The following TANC2 variants were observed in gnomAD, a reference collection of about 807,000 sequenced individuals.
TANC2 encodes the protein tetratricopeptide repeat, ankyrin repeat and coiled-coil containing 2, also known as protein TANC2.
In TANC2, 26 loss-of-function variants were observed where a neutral mutation model predicts 210.5. The ratio of observed to expected loss-of-function variants is 0.12; its 90% CI spans 0.09 to 0.17. The LOEUF (loss-of-function observed/expected upper bound fraction) is 0.17. Ranked by LOEUF, TANC2 falls within the 10% of genes least tolerant of loss-of-function variation. TANC2 has a pLI of 1.00. For synonymous variants in TANC2, 931 were observed against 967.1 expected (o/e 0.96, Z 0.69); for missense variants, 2,129 against 2,608.9 (o/e 0.82, Z 4.01).
intron 8 of TANC2, among the ~76,000 whole-genome samples, chr17:63,264,031 T>C (rs1567864258): frequency 6.6e-6 from 1 of 152,106 alleles, no homozygotes; most frequent in Non-Finnish European, 1.5e-5. Context: ...GTCTAGGCAG[T>C]TTGGTTAGGT....
intron 2 of TANC2, among the ~76,000 whole-genome samples, chr17:63,060,281 T>G (rs2035948356): frequency 6.6e-6 from 1 of 152,252 alleles, no homozygotes; most frequent in Admixed American, 6.5e-5. Context: ...TGTACATGTA[T>G]TGTCAGATCA....
intron 6 of TANC2, 45 bp downstream of exon 6, chr17:63,194,184 CTTAT>C: frequency 6.4e-7 from 1 of 1,569,516 alleles, no homozygotes; most frequent in Admixed American, 1.8e-5. Flanking sequence ...TGTGAATCAG[CTTAT>C]TATGCCAGAA....
chr17:63,342,767 C>A (rs2046280017), intron 12 of TANC2, among the ~76,000 whole-genome samples: 1 of 152,058 alleles, frequency 6.6e-6, no homozygotes, highest in Non-Finnish European at 1.5e-5. Context: ...CAGAGTGAGA[C>A]TCCGTCTCAA....
chr17:63,218,586 A>G (rs1311539458), intron 7 of TANC2, among the ~76,000 whole-genome samples: 1 of 152,102 alleles, frequency 6.6e-6, no homozygotes, highest in Admixed American at 6.6e-5. Flanking sequence ...GAAATCTACC[A>G]AAAATAACTA....
chr17:63,222,720 A>AACACACACAC (rs58881477), intron 7 of TANC2, among the ~76,000 whole-genome samples: 5 of 148,866 alleles, frequency 3.4e-5, no homozygotes, highest in African/African-American at 1.2e-4. Flanking sequence ...AAACTGATTA[A>AACACACACAC]ACACACACAC....
At chr17:63,381,638 T>C (rs2047612958) in intron 15 of TANC2, 1 of 152,186 alleles carries the variant, frequency 6.6e-6, no homozygotes, top group Non-Finnish European at 1.5e-5. Context: ...AAAGGTGATG[T>C]TTGTAAATAA....
chr17:62,980,113 C>A (rs1170727316), intron 1 of TANC2, among the ~76,000 whole-genome samples: 2 of 152,182 alleles, frequency 1.3e-5, no homozygotes, highest in African/African-American at 4.8e-5. Flanking sequence ...AACACCGTTT[C>A]TTTTTAACCT....
At chr17:63,084,163 AG>A (rs1224031068) in intron 3 of TANC2, among the ~76,000 whole-genome samples, 2 of 152,218 alleles carry the variant, frequency 1.3e-5, no homozygotes, top group Non-Finnish European at 2.9e-5. Context: ...TTTATTTAAT[AG>A]TTATAGGCCT....
intron 8 of TANC2, among the ~76,000 whole-genome samples, chr17:63,238,795 G>A (rs1254571616): frequency 2.6e-5 from 4 of 152,164 alleles, no homozygotes; most frequent in East Asian, 1.9e-4. Flanking sequence ...AATCATGGCA[G>A]AAGGCAAAGG....
intron 7 of TANC2, among the ~76,000 whole-genome samples, chr17:63,233,322 G>C (rs2042532591): frequency 6.6e-6 from 1 of 152,164 alleles, no homozygotes; most frequent in South Asian, 2.1e-4. Flanking sequence ...CTCTGTGCTT[G>C]GGACCCAAAC....
At chr17:63,036,150 G>A (rs1046078071) in intron 2 of TANC2, among the ~76,000 whole-genome samples, 2 of 151,754 alleles carry the variant, frequency 1.3e-5, no homozygotes, top group Non-Finnish European at 2.9e-5. Flanking sequence ...GTTTGATAAA[G>A]TTCATTTTTC....
chr17:63,185,064 G>C (rs189780939), intron 5 of TANC2, among the ~76,000 whole-genome samples: 1 of 151,640 alleles, frequency 6.6e-6, no homozygotes, highest in East Asian at 1.9e-4. Context: ...GTGCAATCAT[G>C]TTTCATTGCA....
chr17:62,983,217 C>T (rs189060865), intron 1 of TANC2, among the ~76,000 whole-genome samples: 6 of 152,030 alleles, frequency 3.9e-5, no homozygotes, highest in Non-Finnish European at 8.8e-5. Context: ...TATTATAAAT[C>T]GAATTGCCTT....
chr17:63,086,104 A>AT (rs1281989441), intron 3 of TANC2, among the ~76,000 whole-genome samples: 10 of 150,954 alleles, frequency 6.6e-5, no homozygotes, highest in Non-Finnish European at 1.3e-4. Flanking sequence ...TATATTAATA[A>AT]TTTTTTCTTT....
intron 5 of TANC2, among the ~76,000 whole-genome samples, chr17:63,185,168 A>T (rs944713877): frequency 1.3e-5 from 2 of 151,602 alleles, no homozygotes; most frequent in East Asian, 3.9e-4. Flanking sequence ...CTTCTTTTTT[A>T]AAAAAATGTT....
chr17:63,226,043 C>G (rs138742962), intron 7 of TANC2, among the ~76,000 whole-genome samples: 421 of 152,230 alleles, frequency 2.8e-3, no homozygotes, highest in Middle Eastern at 6.8e-3. Flanking sequence ...ATATAGTAGA[C>G]TTGCACTAGA....
Position 63,002,915 on chromosome 17 carries a change from A to C in TANC2, c.-23-6622A>C, listed in dbSNP as rs147339145. 4.3e-4 allele frequency among the ~76,000 whole-genome samples: 66 copies of C among 152,314 alleles called. No individual in the cohort carries two copies. In the East Asian group the frequency reaches 0.013, roughly 29 times the overall value. ...ACCTAGTCTAGGTATAGGGTATTATAAATCTGTTATGAAAATTGTTGTACT... is the reference window on the plus strand; with the variant it reads ...ACCTAGTCTAGGTATAGGGTATTATCAATCTGTTATGAAAATTGTTGTACT... On this transcript the variant is annotated intron_variant, in intron 1 of 27. Transcript: ENST00000689528.
At chr17:63,175,751 A>G (rs1304685086) in intron 5 of TANC2, among the ~76,000 whole-genome samples, 2 of 152,156 alleles carry the variant, frequency 1.3e-5, no homozygotes, top group Admixed American at 1.3e-4. Flanking sequence ...AATAGGAGAA[A>G]ATATCAGTGT....
intron 8 of TANC2, among the ~76,000 whole-genome samples, chr17:63,245,046 G>A (rs144562837): frequency 1.1e-4 from 16 of 152,182 alleles, no homozygotes; most frequent in African/African-American, 2.6e-4. Context: ...GTGTGAAAAT[G>A]GACTAATAAC....
Sources: gnomAD v4.1 joint callset for allele counts (sites outside exome capture counted in the v4.1 genomes callset) on GRCh38, gnomAD v4.1.1 for gene constraint, MANE v1.5 for transcripts, NCBI Gene and HGNC (gene_info 2026-07-23, HGNC 2026-07-21) for gene names.